Variants in RAB40B observed in about 807,000 individuals in gnomAD.
RAB40B encodes the protein RAB40B, member RAS oncogene family.
A neutral mutation model predicts 24.0 loss-of-function variants in RAB40B; 21 were observed. The observed-to-expected ratio is 0.88, with a 90% CI of 0.62 to 1.26. The LOEUF is 1.26. RAB40B is among the 50% of genes most tolerant of loss of function. The pLI, the probability that RAB40B is intolerant of heterozygous loss-of-function variation, is 0.00. For synonymous variants in RAB40B, 167 were observed against 169.8 expected, an observed-to-expected ratio of 0.98 and a Z score of 0.13; for missense variants, 348 against 390.5, an observed-to-expected ratio of 0.89 and a Z score of 0.92.
chr17:82,678,166 C>T (rs942810098), intron 1 of RAB40B, among the ~76,000 whole-genome samples: 5 of 151,946 alleles, frequency 3.3e-5, no homozygotes, highest in African/African-American at 4.8e-5. Flanking sequence ...TTTGCTCTTT[C>T]GTTATTTACC....
chr17:82,696,959 C>G (rs1568048935), intron 1 of RAB40B: 2 of 152,508 alleles, frequency 1.3e-5, no homozygotes, highest in African/African-American at 4.9e-5. Context: ...GTCCTAGAGA[C>G]CTGCCACCGA....
At chr17:82,685,680 G>A (rs2046492351) in intron 1 of RAB40B, among the ~76,000 whole-genome samples, 1 of 152,206 alleles carries the variant, frequency 6.6e-6, no homozygotes, top group South Asian at 2.1e-4. Flanking sequence ...TCCTTCATGA[G>A]AACGAAACTG....
rs2046203088 is a variant in RAB40B, at chr17:82,663,516, C to A, written c.203+980G>T. Reference sequence around the variant, plus strand: ...GAGGGAGAGGTGTTCCAAGCTGGCCCCAAGGTGGGGGTGCTGGGGGAGGGA... The same window carrying A: ...GAGGGAGAGGTGTTCCAAGCTGGCCACAAGGTGGGGGTGCTGGGGGAGGGA... On this transcript the variant is annotated intron_variant, in intron 2 of 5. Transcript: ENST00000571995. The surrounding 1 kb of genome is among the most constrained non-coding windows in gnomAD (Gnocchi z 6.2). Among the ~76,000 whole-genome samples the A allele has an allele frequency of 6.6e-6, 1 of 152,130 alleles. No homozygotes were observed. The highest frequency in any genetic ancestry group is 6.5e-5 in the Admixed American group (1 of 15,290).
intron 3 of RAB40B, 67 bp from the exon 4 acceptor site, chr17:82,659,724 A>G: frequency 1.6e-6 from 2 of 1,256,182 alleles, no homozygotes; most frequent in Non-Finnish European, 2.3e-6. Flanking sequence ...CCATGCACGC[A>G]AAGACATACA....
rs994232151 is a variant in RAB40B, at chr17:82,657,193, A to C, written c.*670T>G. ...CGAAACTGTGCTGGCTGTGTTCAACATAACTAGAGGTATCTTTGGCATTTT... is the reference window on the plus strand; with the variant it reads ...CGAAACTGTGCTGGCTGTGTTCAACCTAACTAGAGGTATCTTTGGCATTTT... On this transcript the variant is annotated 3_prime_UTR_variant, in exon 6 of 6. Coordinates refer to ENST00000571995, the MANE Select transcript of RAB40B (RefSeq NM_006822.3). 23 of 162,492 alleles carry C rather than the reference A, an allele frequency of 1.4e-4. No homozygotes were observed. The highest frequency in any genetic ancestry group is 5.3e-4 in the African/African-American group (22 of 41,492). The allele number at this position is 162,492 out of a possible 1,614,324, so 10.1% of individuals were successfully genotyped here.
Position 82,663,643 on chromosome 17 carries a change from C to A in RAB40B, c.203+853G>T, listed in dbSNP as rs553102871. On this transcript the variant is annotated intron_variant, in intron 2 of 5. Coordinates refer to ENST00000571995, the MANE Select transcript of RAB40B (RefSeq NM_006822.3). The surrounding 1 kb of genome is among the most constrained non-coding windows in gnomAD (Gnocchi z 6.2). ...TGGCCAGCAAGTCCTCACCTCCCCA[C>A]GTCTGGGTCCTCCACCCGCAGGCCC... Among the ~76,000 whole-genome samples, 3 of 152,106 alleles carry A rather than the reference C, an allele frequency of 2.0e-5. No individual in the cohort carries two copies. The highest frequency in any genetic ancestry group is 7.2e-5 in the African/African-American group (3 of 41,410).
chr17:82,662,163 G>C (rs2046182785), intron 2 of RAB40B: 4 of 985,372 alleles, frequency 4.1e-6, no homozygotes, highest in Non-Finnish European at 4.8e-6. Context: ...CTCAGCACGA[G>C]AGAGAAGGGC....
rs1244570890 is a variant in RAB40B, at chr17:82,697,046, C to T, written c.142+1409G>A. 2.6e-5 allele frequency among the ~76,000 whole-genome samples: 4 copies of T among 152,140 alleles called. No individual in the cohort carries two copies. The South Asian group carries it at 6.2e-4, about 24-fold the overall frequency. ...AGACGCAGGCTCCCCTCCTGCCCCA[C>T]GGAGCACACTCTGCACCCACCAGCT... On this transcript the variant is annotated intron_variant, in intron 1 of 5. Transcript: ENST00000571995. The surrounding 1 kb of genome is among the most constrained non-coding windows in gnomAD (Gnocchi z 4.9).
chr17:82,691,050 A>C (rs2046552960), intron 1 of RAB40B, among the ~76,000 whole-genome samples: 1 of 152,186 alleles, frequency 6.6e-6, no homozygotes, highest in African/African-American at 2.4e-5. Context: ...AACATTAAAC[A>C]TTGGAAACAG....
chr17:82,658,329 T>A, intron 5 of RAB40B, 162 bp downstream of exon 5: 1 of 1,070,960 alleles, frequency 9.3e-7, no homozygotes, highest in Non-Finnish European at 1.3e-6. Context: ...ATGAGCTTTC[T>A]GACAAAGCTG....
At chr17:82,660,101 GAC>G (rs915071519) in intron 3 of RAB40B, among the ~76,000 whole-genome samples, 29 of 151,482 alleles carry the variant, frequency 1.9e-4, no homozygotes, top group Middle Eastern at 3.5e-3. Context: ...CTCATGCACA[GAC>G]ACAGTGCACA....
At chr17:82,678,087 A>G (rs1481314607) in intron 1 of RAB40B, among the ~76,000 whole-genome samples, 1 of 152,058 alleles carries the variant, frequency 6.6e-6, no homozygotes, top group South Asian at 2.1e-4. Flanking sequence ...TGATGGAGCC[A>G]TTTTGTTTCA....
At position 82,697,361 on chromosome 17, in the gene RAB40B, C is replaced by T. The variant is rs1253891966; in HGVS notation, c.142+1094G>A. Among the ~76,000 whole-genome samples the T allele has an allele frequency of 1.3e-5, 2 of 152,184 alleles. No homozygotes were observed. Among genetic ancestry groups the T allele is most frequent in the Admixed American group, 6.5e-5 (1 of 15,278 alleles). On this transcript the variant is annotated intron_variant, in intron 1 of 5. Coordinates refer to ENST00000571995, the MANE Select transcript of RAB40B (RefSeq NM_006822.3). This position sits in a 1 kb window ranked among gnomAD's most constrained non-coding sequence, Gnocchi z 4.9. ...GATCCCGCTTCCTCCCACCCTCTCC[C>T]GCTAAGTTCGTCTCTGGCAGGACCC...
At chr17:82,670,691 C>T (rs763240403) in intron 1 of RAB40B, among the ~76,000 whole-genome samples, 2 of 151,930 alleles carry the variant, frequency 1.3e-5, no homozygotes, top group African/African-American at 2.4e-5. Flanking sequence ...CCCACCACCA[C>T]GCCCGGCTCA....
At chr17:82,662,561 T>C (rs1396183815) in intron 2 of RAB40B, 35 of 984,842 alleles carry the variant, frequency 3.6e-5, no homozygotes, top group Non-Finnish European at 3.9e-5. Context: ...GAAGACCCAG[T>C]TGTGGGCACC....
At position 82,692,384 on chromosome 17, in the gene RAB40B, C is replaced by T. The variant is rs1005802129; in HGVS notation, c.142+6071G>A. Among the ~76,000 whole-genome samples, 1 of 152,156 alleles carries T rather than the reference C, an allele frequency of 6.6e-6. No homozygotes were observed. The highest frequency in any genetic ancestry group is 1.5e-5 in the Non-Finnish European group (1 of 68,010). On this transcript the variant is annotated intron_variant, in intron 1 of 5. Coordinates refer to ENST00000571995, the MANE Select transcript of RAB40B (RefSeq NM_006822.3). The surrounding 1 kb of genome is among the most constrained non-coding windows in gnomAD (Gnocchi z 4.0). The stretch of plus-strand genomic sequence containing the variant: ...GAGGGAGAATCCAGGCCTCGCTGAC[C>T]GTATCGGAGCAAAGGGAACACCTGG...
At chr17:82,698,354 C>A in intron 1 of RAB40B, 101 bp downstream of exon 1, 3 of 829,070 alleles carry the variant, frequency 3.6e-6, no homozygotes, top group Non-Finnish European at 4.6e-6. Flanking sequence ...TGCCCGGTCT[C>A]GCGTCCCCGG....
chr17:82,682,490 A>G (rs568688647), intron 1 of RAB40B, among the ~76,000 whole-genome samples: 18 of 152,340 alleles, frequency 1.2e-4, no homozygotes, highest in East Asian at 3.9e-4. Context: ...AGTCTCCCCA[A>G]TTGATCTATA....
intron 1 of RAB40B, among the ~76,000 whole-genome samples, chr17:82,676,423 C>T: frequency 6.6e-6 from 1 of 151,294 alleles, no homozygotes; most frequent in African/African-American, 2.4e-5. Context: ...GCACCCCTCA[C>T]CTTCAACAGC....
Sources: gnomAD v4.1 joint callset for allele counts (sites outside exome capture counted in the v4.1 genomes callset) on GRCh38, gnomAD v4.1.1 for gene constraint, Gnocchi (gnomAD v3.1) non-coding constraint, MANE v1.5 for transcripts, NCBI Gene and HGNC (gene_info 2026-07-23, HGNC 2026-07-21) for gene names.